FSTL5: variants seen among roughly 807,000 people sequenced by gnomAD.
The protein encoded by FSTL5 is follistatin like 5.
In FSTL5, 62 loss-of-function variants were observed where a neutral mutation model predicts 89.1. That is an observed-to-expected ratio of 0.70 (90% CI 0.57 to 0.86). The LOEUF (loss-of-function observed/expected upper bound fraction) is 0.86, where lower values mean the gene tolerates loss of function less well. Among genes scored for constraint, FSTL5 ranks in the 40% least tolerant of loss-of-function variants. The pLI, the probability that FSTL5 is intolerant of heterozygous loss-of-function variation, is 0.00. For missense variants in FSTL5, 1,057 were observed against 1,001.6 expected (o/e 1.06, Z -0.75); for synonymous variants, 383 against 346.2 (o/e 1.11, Z -1.18).
At chr4:161,960,900 G>T (rs1037823190) in intron 3 of FSTL5, among the ~76,000 whole-genome samples, 1 of 151,886 alleles carries the variant, frequency 6.6e-6, no homozygotes, top group Non-Finnish European at 1.5e-5. Context: ...GAGCCATAAC[G>T]AAAATAAATC....
intron 6 of FSTL5, among the ~76,000 whole-genome samples, chr4:161,693,873 C>G (rs898285498): frequency 6.6e-6 from 1 of 151,900 alleles, no homozygotes; most frequent in Non-Finnish European, 1.5e-5. Context: ...CTCCTGACCT[C>G]TTGATCTGCC....
At position 161,661,115 on chromosome 4, in the gene FSTL5, C is replaced by T. The variant is rs575240485; in HGVS notation, c.728-4621G>A. 1.6e-4 allele frequency among the ~76,000 whole-genome samples: 24 copies of T among 151,990 alleles called. No homozygotes were observed. The Middle Eastern group carries it at 0.01, about 65-fold the overall frequency. On this transcript the variant is annotated intron_variant, in intron 6 of 15. Transcript: ENST00000306100. Reference sequence around the variant, plus strand: ...GTGATTTTAACACATATAGAAAAAACGAAATATTATGAATATTTGTGAAAC... The same window carrying T: ...GTGATTTTAACACATATAGAAAAAATGAAATATTATGAATATTTGTGAAAC...
At chr4:161,511,557 T>C (rs1174435773) in intron 10 of FSTL5, among the ~76,000 whole-genome samples, 2 of 152,098 alleles carry the variant, frequency 1.3e-5, no homozygotes, top group Non-Finnish European at 2.9e-5. Flanking sequence ...ATGAGTAAGT[T>C]CTGAACATGT....
At chr4:161,641,958 A>G (rs574980063) in intron 7 of FSTL5, among the ~76,000 whole-genome samples, 2 of 152,346 alleles carry the variant, frequency 1.3e-5, no homozygotes, top group South Asian at 4.1e-4. Context: ...CAGACAAAAA[A>G]GCTCTAAGGC....
rs554117808 is a variant in FSTL5 at position 161,551,696 on chromosome 4, T to A, written c.1016-9003A>T. ...AAATAATGCCGCATATCTACAACCGTCTGATCTTTGACAAACCTGAGAAAA... is the reference window on the plus strand; with the variant it reads ...AAATAATGCCGCATATCTACAACCGACTGATCTTTGACAAACCTGAGAAAA... On this transcript the variant is annotated intron_variant, in intron 8 of 15. Transcript: ENST00000306100. 4.9e-3 allele frequency among the ~76,000 whole-genome samples: 747 copies of A among 152,090 alleles called. 7 individuals are homozygous for A. The highest frequency in any genetic ancestry group is 0.017 in the African/African-American group (701 of 41,522).
At chr4:161,393,556 T>C (rs917924135) in intron 15 of FSTL5, among the ~76,000 whole-genome samples, 3 of 152,060 alleles carry the variant, frequency 2.0e-5, no homozygotes, top group African/African-American at 2.4e-5. Context: ...ATTTTTGTTA[T>C]GTTAGGCTTT....
chr4:162,146,742 T>TCTC (rs1167281097), intron 1 of FSTL5, among the ~76,000 whole-genome samples: 3 of 137,044 alleles, frequency 2.2e-5, no homozygotes, highest in Admixed American at 2.2e-4. Context: ...CTCCTTTCTT[T>TCTC]CTTTCTCCTT....
At chr4:161,902,642 T>C (rs1437739580) in intron 4 of FSTL5, among the ~76,000 whole-genome samples, 1 of 151,898 alleles carries the variant, frequency 6.6e-6, no homozygotes, top group African/African-American at 2.4e-5. Context: ...GGTCAGGAGA[T>C]CGAGACCATC....
intron 7 of FSTL5, among the ~76,000 whole-genome samples, chr4:161,636,597 T>A (rs887517313): frequency 6.6e-6 from 1 of 150,438 alleles, no homozygotes; most frequent in Non-Finnish European, 1.5e-5. Flanking sequence ...TATCTCCCAA[T>A]GCTATCCCTC....
At chr4:161,780,289 C>T (rs139108966) in intron 4 of FSTL5, among the ~76,000 whole-genome samples, 1 of 151,204 alleles carries the variant, frequency 6.6e-6, no homozygotes, top group Non-Finnish European at 1.5e-5. Flanking sequence ...GAAATTGTGC[C>T]CCCTCCCCAA....
chr4:162,116,691 C>T (rs896156150), intron 1 of FSTL5, among the ~76,000 whole-genome samples: 83 of 152,110 alleles, frequency 5.5e-4, no homozygotes, highest in African/African-American at 1.9e-3. Context: ...TGTAGGACCG[C>T]TTACCTTTTA....
intron 1 of FSTL5, among the ~76,000 whole-genome samples, chr4:162,153,742 A>ATGT (rs772393962): frequency 0.045 from 4,928 of 110,532 alleles, 360 homozygotes; most frequent in Admixed American, 0.091. Context: ...ATATGTATAT[A>ATGT]ATAATATACA....
intron 6 of FSTL5, among the ~76,000 whole-genome samples, chr4:161,748,215 T>C (rs1740268745): frequency 6.6e-6 from 1 of 152,118 alleles, no homozygotes; most frequent in African/African-American, 2.4e-5. Context: ...CTTGTAAAAA[T>C]GTTAAAAACA....
At chr4:161,558,665 T>C (rs936373010) in intron 8 of FSTL5, among the ~76,000 whole-genome samples, 5 of 151,826 alleles carry the variant, frequency 3.3e-5, no homozygotes, top group African/African-American at 1.2e-4. Context: ...TTCCACACTA[T>C]TAGTGGAAAA....
At chr4:161,802,242 T>G (rs2126830451) in intron 4 of FSTL5, among the ~76,000 whole-genome samples, 1 of 151,858 alleles carries the variant, frequency 6.6e-6, no homozygotes, top group Non-Finnish European at 1.5e-5. Context: ...GAAAGAAAAT[T>G]AACTATCTCC....
chr4:161,617,152 T>C (rs1734902355), intron 7 of FSTL5, among the ~76,000 whole-genome samples: 2 of 151,652 alleles, frequency 1.3e-5, no homozygotes, highest in Non-Finnish European at 1.5e-5. Flanking sequence ...AATAAATAAA[T>C]ATAAACTCAT....
chr4:161,957,938 G>A (rs1173408574), intron 3 of FSTL5, among the ~76,000 whole-genome samples: 1 of 151,966 alleles, frequency 6.6e-6, no homozygotes. Context: ...AATTTTTGCT[G>A]TCCACCTTAA....
intron 4 of FSTL5, among the ~76,000 whole-genome samples, chr4:161,776,288 A>G (rs1324945057): frequency 6.6e-6 from 1 of 152,064 alleles, no homozygotes; most frequent in Non-Finnish European, 1.5e-5. Context: ...ATAACAACAT[A>G]TTTCTTTGTA....
chr4:162,056,586 T>C lies in FSTL5; in HGVS notation c.127-22928A>G, dbSNP rs972314009. On this transcript the variant is annotated intron_variant, in intron 2 of 15. Transcript: ENST00000306100. ...TTAAAGCTATTGGAATCAATATGCA[T>C]AAATACATTCCAACTATATAACATT... 7.2e-5 allele frequency among the ~76,000 whole-genome samples: 11 copies of C among 152,282 alleles called. No individual in the cohort carries two copies. In the East Asian group the frequency reaches 2.1e-3, roughly 29 times the overall value.
Sources: gnomAD v4.1 joint callset for allele counts (sites outside exome capture counted in the v4.1 genomes callset) on GRCh38, gnomAD v4.1.1 for gene constraint, MANE v1.5 for transcripts, NCBI Gene and HGNC (gene_info 2026-07-23, HGNC 2026-07-21) for gene names.